Variants in PTPRN2 observed in about 807,000 individuals in gnomAD.
PTPRN2 encodes receptor-type tyrosine-protein phosphatase N2.
A neutral mutation model predicts 118.8 loss-of-function variants in PTPRN2; 74 were observed. The ratio of observed to expected loss-of-function variants is 0.62; its 90% CI spans 0.52 to 0.76. The LOEUF (loss-of-function observed/expected upper bound fraction) is 0.76, where lower values mean the gene tolerates loss of function less well. PTPRN2 is among the 30% of genes least tolerant of loss of function. The pLI is 0.00. For synonymous variants in PTPRN2, 641 were observed against 608.0 expected (o/e 1.05, Z -0.80); for missense variants, 1,481 against 1,394.4 (o/e 1.06, Z -0.99).
intron 2 of PTPRN2, among the ~76,000 whole-genome samples, chr7:158,402,075 G>A (rs1225525423): frequency 2.0e-5 from 3 of 152,140 alleles, no homozygotes; most frequent in East Asian, 3.9e-4. Flanking sequence ...GGCGGGACAC[G>A]GGGTGTGAAA....
chr7:157,840,833 C>T (rs529837696), intron 12 of PTPRN2, among the ~76,000 whole-genome samples: 25 of 152,370 alleles, frequency 1.6e-4, no homozygotes, highest in African/African-American at 5.8e-4. Context: ...GAGCCCCGTC[C>T]TCAGACCCCT....
chr7:157,650,470 C>T (rs1805577277), intron 14 of PTPRN2, among the ~76,000 whole-genome samples: 1 of 152,270 alleles, frequency 6.6e-6, no homozygotes, highest in East Asian at 1.9e-4. Context: ...TGTCTGTGAA[C>T]GCAGGCCCCA....
intron 11 of PTPRN2, among the ~76,000 whole-genome samples, chr7:157,940,733 TGCCC>T (rs1800017895): frequency 2.0e-5 from 1 of 49,042 alleles, no homozygotes; most frequent in African/African-American, 1.6e-4. Flanking sequence ...TCTAACGCCC[TGCCC>T]CATGACACTG....
chr7:158,085,256 C>G, intron 10 of PTPRN2, among the ~76,000 whole-genome samples: 1 of 133,866 alleles, frequency 7.5e-6, no homozygotes, highest in African/African-American at 2.9e-5. Flanking sequence ...CATCCACACC[C>G]ATGACACCCA....
At chr7:157,607,108 C>A (rs899476130) in intron 15 of PTPRN2, among the ~76,000 whole-genome samples, 1 of 152,246 alleles carries the variant, frequency 6.6e-6, no homozygotes, top group South Asian at 2.1e-4. Context: ...GACTCAATGG[C>A]TTTTAGCTCC....
At chr7:157,574,513 TGA>T (rs60406378) in intron 19 of PTPRN2, 9,295 of 279,276 alleles carry the variant, frequency 0.033, 38 homozygotes, top group East Asian at 0.051. Flanking sequence ...AGAGTAATAA[TGA>T]GAGAGAGAGA....
intron 3 of PTPRN2, among the ~76,000 whole-genome samples, chr7:158,282,066 C>T (rs942166269): frequency 7.2e-5 from 11 of 152,220 alleles, no homozygotes; most frequent in African/African-American, 2.6e-4. Flanking sequence ...CCAGAAGGGA[C>T]AGTCAGGCCT....
At chr7:158,166,895 TCAGCAAA>T (rs1178132693) in intron 6 of PTPRN2, 29 bp downstream of exon 6, 1 of 1,418,320 alleles carries the variant, frequency 7.1e-7, no homozygotes, top group Non-Finnish European at 9.2e-7. Flanking sequence ...CAGAGGACAG[TCAGCAAA>T]CAAGAAACAC....
intron 12 of PTPRN2, among the ~76,000 whole-genome samples, chr7:157,775,432 G>A (rs931943954): frequency 6.6e-6 from 1 of 152,256 alleles, no homozygotes; most frequent in African/African-American, 2.4e-5. Context: ...AGGGCCGAGG[G>A]ATGGAAGGAA....
chr7:158,086,281 A>G (rs1813405203), intron 10 of PTPRN2, among the ~76,000 whole-genome samples: 1 of 151,838 alleles, frequency 6.6e-6, no homozygotes, highest in Admixed American at 6.5e-5. Flanking sequence ...GATAGAAACC[A>G]GGCCTCTGCA....
intron 9 of PTPRN2, among the ~76,000 whole-genome samples, chr7:158,131,786 A>G (rs1818333839): frequency 6.6e-6 from 1 of 151,662 alleles, no homozygotes; most frequent in African/African-American, 2.4e-5. Flanking sequence ...CATCTACCCG[A>G]CATACACACT....
intron 12 of PTPRN2, among the ~76,000 whole-genome samples, chr7:157,873,980 G>A (rs1001075256): frequency 3.3e-5 from 5 of 152,286 alleles, no homozygotes; most frequent in Admixed American, 2.0e-4. Context: ...CCACAACTCC[G>A]GCAAAGTCCC....
intron 12 of PTPRN2, among the ~76,000 whole-genome samples, chr7:157,692,907 C>G (rs762185429): frequency 1.3e-5 from 2 of 152,082 alleles, no homozygotes; most frequent in East Asian, 3.9e-4. Context: ...GTTCCCCCAG[C>G]GCCCGGGATG....
intron 12 of PTPRN2, among the ~76,000 whole-genome samples, chr7:157,824,226 C>G (rs529058179): frequency 6.6e-6 from 1 of 152,134 alleles, no homozygotes; most frequent in South Asian, 2.1e-4. Flanking sequence ...CTCAGCTTGC[C>G]GACGGCTGCC....
intron 12 of PTPRN2, among the ~76,000 whole-genome samples, chr7:157,866,423 C>CA (rs757771549): frequency 6.6e-6 from 1 of 152,100 alleles, no homozygotes; most frequent in Non-Finnish European, 1.5e-5. Context: ...TATGCATGAG[C>CA]ACACACACGA....
chr7:158,011,213 T>G (rs999351333), intron 11 of PTPRN2, among the ~76,000 whole-genome samples: 7 of 152,248 alleles, frequency 4.6e-5, no homozygotes, highest in African/African-American at 1.7e-4. Flanking sequence ...GCCTGTTTGA[T>G]GCTGTGAAAG....
intron 3 of PTPRN2, among the ~76,000 whole-genome samples, chr7:158,268,433 C>A (rs1034233865): frequency 8.8e-5 from 13 of 147,264 alleles, no homozygotes; most frequent in Admixed American, 4.1e-4. Context: ...CAGCCGCATG[C>A]ACACAGGGCA....
At position 157,813,081 on chromosome 7, in the gene PTPRN2, C is replaced by T. The variant is rs1200124696; in HGVS notation, c.1788+85592G>A. On this transcript the variant is annotated intron_variant, in intron 12 of 22. Transcript: ENST00000389418. The surrounding 1 kb of genome is among the most constrained non-coding windows in gnomAD (Gnocchi z 4.7). ...GTGCTCAAATGACTGTGACACGTGC[C>T]GTGTATCTGCAAAGACCTGTGCCGT... Among the ~76,000 whole-genome samples the T allele has an allele frequency of 3.3e-5, 5 of 152,134 alleles. 1 individual carries two copies. In the South Asian group the frequency reaches 8.3e-4, roughly 25 times the overall value.
At position 158,011,466 on chromosome 7, in the gene PTPRN2, G is replaced by T. The variant is rs1239184631; in HGVS notation, c.1723+69832C>A. Among the ~76,000 whole-genome samples the T allele has an allele frequency of 2.6e-5, 4 of 152,202 alleles. No homozygotes were observed. The East Asian group carries it at 7.7e-4, about 29-fold the overall frequency. ...AGCATCCATTCAACCAGAAGAGGGA[G>T]CACATGTTTAAAAGAAACCCCCAAA... is the stretch of plus-strand genomic sequence containing the variant. On this transcript the variant is annotated intron_variant, in intron 11 of 22. Transcript: ENST00000389418.
Sources: gnomAD v4.1 joint callset for allele counts (sites outside exome capture counted in the v4.1 genomes callset) on GRCh38, gnomAD v4.1.1 for gene constraint, Gnocchi (gnomAD v3.1) non-coding constraint, MANE v1.5 for transcripts, NCBI Gene and HGNC (gene_info 2026-07-23, HGNC 2026-07-21) for gene names.